CSGALNACT1: variants seen among roughly 807,000 people sequenced by gnomAD.
CSGALNACT1 encodes the protein beta4GalNAcT-1.
A neutral mutation model predicts 51.0 loss-of-function variants in CSGALNACT1; 52 were observed. That is an observed-to-expected ratio of 1.02 (90% confidence interval 0.82 to 1.29). The LOEUF (loss-of-function observed/expected upper bound fraction) is 1.29. Ranked by LOEUF, CSGALNACT1 falls within the 50% of genes most tolerant of loss-of-function variation. The pLI is 0.00. For missense variants in CSGALNACT1, 935 were observed against 679.2 expected, an observed-to-expected ratio of 1.38 and a Z score of -4.19; for synonymous variants, 341 against 254.4, an observed-to-expected ratio of 1.34 and a Z score of -3.24.
intron 2 of CSGALNACT1, among the ~76,000 whole-genome samples, chr8:19,593,061 TTCAGTAAGTAAAATG>T (rs2048168202): frequency 6.6e-6 from 1 of 152,224 alleles, no homozygotes. Context: ...TCCAAATATT[TTCAGTAAGTAAAATG>T]TCTATGTGGC....
At chr8:19,636,694 A>C (rs1048610809) in intron 1 of CSGALNACT1, among the ~76,000 whole-genome samples, 2 of 152,162 alleles carry the variant, frequency 1.3e-5, no homozygotes, top group Non-Finnish European at 2.9e-5. Context: ...AAATGGAGTG[A>C]GAACTTGGTA....
intron 4 of CSGALNACT1, among the ~76,000 whole-genome samples, chr8:19,458,872 G>T (rs550457766): frequency 6.6e-6 from 1 of 152,276 alleles, no homozygotes; most frequent in East Asian, 1.9e-4. Flanking sequence ...ATGGGAAAAA[G>T]CTTGAAATGC....
intron 1 of CSGALNACT1, among the ~76,000 whole-genome samples, chr8:19,670,592 G>A (rs900852666): frequency 8.3e-5 from 10 of 121,078 alleles, no homozygotes; most frequent in African/African-American, 2.9e-4. Flanking sequence ...AGGATCAACC[G>A]ACTAATAAGT....
chr8:19,622,402 A>G (rs922863120), intron 1 of CSGALNACT1, among the ~76,000 whole-genome samples: 31 of 152,372 alleles, frequency 2.0e-4, no homozygotes, highest in African/African-American at 7.5e-4. Context: ...GACAACTATT[A>G]AATTTTCAGG....
intron 1 of CSGALNACT1, among the ~76,000 whole-genome samples, chr8:19,629,297 GA>G (rs1325401111): frequency 1.3e-5 from 2 of 152,158 alleles, no homozygotes; most frequent in Admixed American, 6.5e-5. Context: ...ATTCAAGAAG[GA>G]AAAAACAAAA....
chr8:19,488,370 CATATATATATATATATATATATAT>C (rs56988602), intron 4 of CSGALNACT1, among the ~76,000 whole-genome samples: 21,368 of 114,634 alleles, frequency 0.19, 2,000 homozygotes, highest in Non-Finnish European at 0.22. Flanking sequence ...TTTATATATA[CATATATATATATATATATATATAT>C]ATATATATAT....
intron 1 of CSGALNACT1, among the ~76,000 whole-genome samples, chr8:19,753,792 G>A (rs2065189218): frequency 6.6e-6 from 1 of 152,104 alleles, no homozygotes; most frequent in Non-Finnish European, 1.5e-5. Context: ...CAGTAATAAT[G>A]TTTGTTTATA....
At chr8:19,727,956 G>A (rs1206980927) in intron 1 of CSGALNACT1, among the ~76,000 whole-genome samples, 1 of 152,148 alleles carries the variant, frequency 6.6e-6, no homozygotes, top group Non-Finnish European at 1.5e-5. Flanking sequence ...CTCTTTAAGA[G>A]ACTAGCCTTA....
intron 3 of CSGALNACT1, among the ~76,000 whole-genome samples, chr8:19,535,061 A>G (rs2083474609): frequency 6.6e-6 from 1 of 152,216 alleles, no homozygotes; most frequent in African/African-American, 2.4e-5. Context: ...ATTTGGAAAG[A>G]AAAGCAAAGG....
At chr8:19,731,372 G>C (rs1307949825) in intron 1 of CSGALNACT1, among the ~76,000 whole-genome samples, 1 of 152,156 alleles carries the variant, frequency 6.6e-6, no homozygotes, top group Non-Finnish European at 1.5e-5. Flanking sequence ...GGCAGGCGTG[G>C]TGGCCCATGC....
chr8:19,446,805 T>A (rs372286925), intron 5 of CSGALNACT1, among the ~76,000 whole-genome samples: 97 of 152,288 alleles, frequency 6.4e-4, no homozygotes, highest in Middle Eastern at 3.4e-3. Context: ...TGAGCCGCCA[T>A]GTCCGGCCTG....
At chr8:19,732,906 T>C (rs1026290062) in intron 1 of CSGALNACT1, among the ~76,000 whole-genome samples, 7 of 152,240 alleles carry the variant, frequency 4.6e-5, no homozygotes, top group African/African-American at 1.7e-4. Context: ...GTTCTTGATT[T>C]GTTCTTTTTA....
chr8:19,654,792 G>A (rs1485822423), intron 1 of CSGALNACT1, among the ~76,000 whole-genome samples: 6 of 152,066 alleles, frequency 3.9e-5, no homozygotes, highest in Middle Eastern at 6.8e-3. Context: ...CAATCCTCCC[G>A]GCCTTGGTCT....
At chr8:19,423,739 A>G (rs937444958) in intron 6 of CSGALNACT1, among the ~76,000 whole-genome samples, 14 of 152,280 alleles carry the variant, frequency 9.2e-5, no homozygotes, top group Non-Finnish European at 1.5e-5. Flanking sequence ...ATGCTGGGGA[A>G]CACTTTATAT....
intron 1 of CSGALNACT1, among the ~76,000 whole-genome samples, chr8:19,666,867 AAGAAAGAAAG>A (rs1564384018): frequency 8.1e-6 from 1 of 122,882 alleles, no homozygotes; most frequent in East Asian, 2.0e-4. Context: ...GAAAGAAAGA[AAGAAAGAAAG>A]AAAGAAAGAG....
Position 19,418,649 on chromosome 8 carries a change from T to C in CSGALNACT1, c.1227+7A>G, listed in dbSNP as rs1356185877. The C allele has an allele frequency of 6.3e-7, 1 of 1,591,142 alleles. No homozygotes were observed. The highest frequency in any genetic ancestry group is 1.3e-5 in the African/African-American group (1 of 74,542). On this transcript the variant is annotated splice_region_variant and intron_variant, in intron 8 of 9. Transcript: ENST00000454498. ...CACACAGAGCCATCTGCAGGGTAAT[T>C]ACTCACCAGCTGCTGTTCCAAGGGA...
chr8:19,550,491 C>T (rs984521108), intron 3 of CSGALNACT1, among the ~76,000 whole-genome samples: 3 of 152,158 alleles, frequency 2.0e-5, no homozygotes, highest in African/African-American at 7.2e-5. Flanking sequence ...TCTCTAATGT[C>T]TCACAGAATA....
chr8:19,708,439 T>C (rs2062309490), intron 1 of CSGALNACT1, among the ~76,000 whole-genome samples: 1 of 152,190 alleles, frequency 6.6e-6, no homozygotes, highest in Non-Finnish European at 1.5e-5. Flanking sequence ...GGTTCCATTA[T>C]GAGTAATATA....
intron 4 of CSGALNACT1, among the ~76,000 whole-genome samples, chr8:19,494,794 C>T (rs1340891899): frequency 6.6e-6 from 1 of 150,596 alleles, no homozygotes; most frequent in Admixed American, 6.7e-5. Context: ...GCTGCATTTT[C>T]CATAGCATTG....
Sources: gnomAD v4.1 joint callset for allele counts (sites outside exome capture counted in the v4.1 genomes callset) on GRCh38, gnomAD v4.1.1 for gene constraint, MANE v1.5 for transcripts, NCBI Gene and HGNC (gene_info 2026-07-23, HGNC 2026-07-21) for gene names.